Variants in RAB3C observed in about 807,000 individuals in gnomAD.
The protein encoded by RAB3C is RAB3C, member RAS oncogene family.
RAB3C carries 17 observed loss-of-function variants against 26.4 expected under a neutral mutation model. That is an observed-to-expected ratio of 0.64 (90% CI 0.44 to 0.97). RAB3C has a LOEUF of 0.97. Among genes scored for constraint, RAB3C ranks in the 50% least tolerant of loss-of-function variants. The pLI is 0.00. For missense variants in RAB3C, 242 were observed against 281.9 expected (o/e 0.86, Z 1.01); for synonymous variants, 91 against 95.9 (o/e 0.95, Z 0.30).
chr5:58,614,092 T>C (rs1224119191), intron 1 of RAB3C, among the ~76,000 whole-genome samples: 1 of 152,102 alleles, frequency 6.6e-6, no homozygotes, highest in East Asian at 1.9e-4. Context: ...TCTATGGTTA[T>C]TTGTTATTTG....
At chr5:58,829,785 C>G (rs890953441) in intron 4 of RAB3C, among the ~76,000 whole-genome samples, 2 of 152,138 alleles carry the variant, frequency 1.3e-5, no homozygotes, top group African/African-American at 4.8e-5. Flanking sequence ...TCCTTCTTGT[C>G]CAGCACTGAA....
intron 2 of RAB3C, among the ~76,000 whole-genome samples, chr5:58,655,924 G>A (rs1336789193): frequency 1.3e-5 from 2 of 151,112 alleles, no homozygotes; most frequent in African/African-American, 2.4e-5. Flanking sequence ...GCCTCTCCGA[G>A]TAGCTGGGAC....
Position 58,853,703 on chromosome 5 carries a change from C to G in RAB3C, c.*2352C>G, listed in dbSNP as rs1249302676. 3 of 152,170 alleles carry G rather than the reference C, an allele frequency of 2.0e-5. No homozygotes were observed. In the East Asian group the frequency reaches 5.8e-4, roughly 29 times the overall value. The allele number at this position is 152,170 out of a possible 1,614,324, so 9.4% of individuals were successfully genotyped here. ...AGACAGGCAACAATAGCCCAAATGT[C>G]ATTGCCAAGAAACATCTGATACTTT... On this transcript the variant is annotated 3_prime_UTR_variant, in exon 5 of 5. Transcript: ENST00000282878.
intron 4 of RAB3C, among the ~76,000 whole-genome samples, chr5:58,850,088 T>C (rs1744082888): frequency 6.6e-6 from 1 of 152,192 alleles, no homozygotes; most frequent in Non-Finnish European, 1.5e-5. Flanking sequence ...GAGCAATCTC[T>C]GGCTGGCCTA....
At position 58,583,092 on chromosome 5, in the gene RAB3C, C is replaced by T. The variant is rs567701432; in HGVS notation, c.-117C>T. The T allele has an allele frequency of 1.9e-6, 3 of 1,563,676 alleles. No individual in the cohort carries two copies. Among genetic ancestry groups the T allele is most frequent in the East Asian group, 2.3e-5 (1 of 43,764 alleles). On this transcript the variant is annotated 5_prime_UTR_variant, in exon 1 of 5. Coordinates refer to ENST00000282878, the MANE Select transcript of RAB3C (RefSeq NM_138453.4). ...ACAGCTCCAGTGCTGATGTTGGAGC[C>T]GGTTAGCGAACCCCAAGAGTGCAGA...
chr5:58,651,158 C>A (rs1029811855), intron 2 of RAB3C, among the ~76,000 whole-genome samples: 1 of 152,180 alleles, frequency 6.6e-6, no homozygotes, highest in African/African-American at 2.4e-5. Flanking sequence ...ATAGAAGTAG[C>A]AACCCCAGTG....
At chr5:58,797,392 TATATAC>T (rs1390115264) in intron 3 of RAB3C, among the ~76,000 whole-genome samples, 26 of 124,480 alleles carry the variant, frequency 2.1e-4, no homozygotes, top group African/African-American at 7.1e-4. Flanking sequence ...TATATATATA[TATATAC>T]ACAGAGAGAG....
chr5:58,704,872 A>G (rs1299626660), intron 2 of RAB3C, among the ~76,000 whole-genome samples: 1 of 152,162 alleles, frequency 6.6e-6, no homozygotes, highest in Non-Finnish European at 1.5e-5. Flanking sequence ...ATTCTTGTTC[A>G]CCATTAGTTA....
intron 2 of RAB3C, among the ~76,000 whole-genome samples, chr5:58,645,937 C>T (rs762681310): frequency 6.6e-6 from 1 of 152,148 alleles, no homozygotes; most frequent in Non-Finnish European, 1.5e-5. Context: ...GAGACTGATT[C>T]CAGAAACAAA....
intron 3 of RAB3C, among the ~76,000 whole-genome samples, chr5:58,783,227 AGATACT>A (rs1445308955): frequency 6.6e-6 from 1 of 152,188 alleles, no homozygotes; most frequent in Non-Finnish European, 1.5e-5. Context: ...ATGCCCCATG[AGATACT>A]GATCAAGGGA....
chr5:58,700,091 T>C (rs553817727), intron 2 of RAB3C, among the ~76,000 whole-genome samples: 6 of 152,322 alleles, frequency 3.9e-5, no homozygotes, highest in African/African-American at 1.2e-4. Flanking sequence ...TATTCAGTTA[T>C]CTTGGAACGC....
At chr5:58,594,777 A>G (rs532819663) in intron 1 of RAB3C, among the ~76,000 whole-genome samples, 1 of 151,138 alleles carries the variant, frequency 6.6e-6, no homozygotes, top group Admixed American at 6.6e-5. Context: ...TATTTTTTAA[A>G]TGTTTAGTGT....
intron 1 of RAB3C, among the ~76,000 whole-genome samples, chr5:58,596,818 A>G (rs1298554579): frequency 2.2e-5 from 2 of 90,956 alleles, no homozygotes; most frequent in African/African-American, 5.0e-5. Flanking sequence ...TATAATACAT[A>G]ATATATTATA....
Position 58,856,798 on chromosome 5 carries a change from G to A in RAB3C, c.*5447G>A, listed in dbSNP as rs1363558663. 1 of 152,184 alleles carries A rather than the reference G, an allele frequency of 6.6e-6. No homozygotes were observed. Among genetic ancestry groups the A allele is most frequent in the African/African-American group, 2.4e-5 (1 of 41,436 alleles). The allele number at this position is 152,184 out of a possible 1,614,324, so 9.4% of individuals were successfully genotyped here. On this transcript the variant is annotated 3_prime_UTR_variant, in exon 5 of 5. Coordinates refer to ENST00000282878, the MANE Select transcript of RAB3C (RefSeq NM_138453.4). The stretch of plus-strand genomic sequence containing the variant: ...TGAGCATGACTTACATCTGTCAAGT[G>A]GTTCCATACTTCTTGTAAAAGTAAA...
At chr5:58,695,494 G>A (rs1048182833) in intron 2 of RAB3C, among the ~76,000 whole-genome samples, 4 of 152,032 alleles carry the variant, frequency 2.6e-5, no homozygotes, top group Admixed American at 1.3e-4. Context: ...ATGGCATTGA[G>A]TCTATAAATT....
At chr5:58,708,355 C>G (rs891589016) in intron 2 of RAB3C, among the ~76,000 whole-genome samples, 2 of 152,192 alleles carry the variant, frequency 1.3e-5, no homozygotes, top group African/African-American at 4.8e-5. Context: ...CCTTGCCCAT[C>G]TGCCTGCTCT....
chr5:58,770,326 A>G (rs1469189950), intron 3 of RAB3C, among the ~76,000 whole-genome samples: 1 of 152,178 alleles, frequency 6.6e-6, no homozygotes, highest in Non-Finnish European at 1.5e-5. Flanking sequence ...ACAGCTTGAA[A>G]TAGTGTTCAT....
At chr5:58,698,197 T>G (rs1748760150) in intron 2 of RAB3C, among the ~76,000 whole-genome samples, 3 of 152,224 alleles carry the variant, frequency 2.0e-5, no homozygotes, top group Admixed American at 2.0e-4. Context: ...TAATTTTGGC[T>G]GGATATGAAA....
intron 3 of RAB3C, among the ~76,000 whole-genome samples, chr5:58,740,967 C>T (rs1376581794): frequency 1.3e-5 from 2 of 152,234 alleles, no homozygotes; most frequent in East Asian, 3.8e-4. Context: ...CAGGGCCACC[C>T]TCACTTCTGA....
Sources: gnomAD v4.1 joint callset for allele counts (sites outside exome capture counted in the v4.1 genomes callset) on GRCh38, gnomAD v4.1.1 for gene constraint, MANE v1.5 for transcripts, NCBI Gene and HGNC (gene_info 2026-07-23, HGNC 2026-07-21) for gene names.